COL28A1: variants seen among roughly 807,000 people sequenced by gnomAD.
The protein encoded by COL28A1 is collagen alpha-1(XXVIII) chain.
COL28A1 carries 161 observed loss-of-function variants against 150.2 expected under a neutral mutation model. The ratio of observed to expected loss-of-function variants is 1.07; its 90% CI spans 0.94 to 1.22. COL28A1 has a LOEUF of 1.22. Ranked by LOEUF, COL28A1 falls within the 50% of genes most tolerant of loss-of-function variation. The pLI, the probability that COL28A1 is intolerant of heterozygous loss-of-function variation, is 0.00. For synonymous variants in COL28A1, 552 were observed against 469.7 expected, an observed-to-expected ratio of 1.18 and a Z score of -2.26; for missense variants, 1,617 against 1,388.3, an observed-to-expected ratio of 1.16 and a Z score of -2.62.
intron 9 of COL28A1, among the ~76,000 whole-genome samples, chr7:7,510,057 C>T (rs1464091611): frequency 2.0e-5 from 3 of 152,038 alleles, no homozygotes; most frequent in East Asian, 3.9e-4. Flanking sequence ...CATTTTCTCT[C>T]CTTGACTCCC....
At chr7:7,343,467 T>A in the COL28A1 span, among the ~76,000 whole-genome samples, 1 of 152,122 alleles carries the variant, frequency 6.6e-6, no homozygotes, top group Non-Finnish European at 1.5e-5. Context: ...TTTTCTCTCT[T>A]CCACTGCACA....
rs573373232 is a variant in COL28A1, at chr7:7,358,065, C to T, written c.*568G>A. The T allele has an allele frequency of 2.0e-5, 3 of 152,358 alleles. No homozygotes were observed. In the South Asian group the frequency reaches 6.2e-4, roughly 32 times the overall value. 9.4% of individuals were successfully genotyped at this position (152,358 alleles called of 1,614,324 possible). The stretch of plus-strand genomic sequence containing the variant: ...AAGTAATTGTAATTCAGATTGGTTT[C>T]TCCCTATTACCACTTTCAGGGCAAG... On this transcript the variant is annotated 3_prime_UTR_variant, in exon 35 of 35. Transcript: ENST00000399429.
At chr7:7,512,256 T>C (rs1463767650) in intron 8 of COL28A1, among the ~76,000 whole-genome samples, 2 of 152,118 alleles carry the variant, frequency 1.3e-5, no homozygotes, top group Admixed American at 1.3e-4. Flanking sequence ...CAAAACTAGT[T>C]AGATAGGAGC....
At chr7:7,368,912 T>C (rs1016039267) in intron 33 of COL28A1, among the ~76,000 whole-genome samples, 2 of 152,226 alleles carry the variant, frequency 1.3e-5, no homozygotes, top group African/African-American at 4.8e-5. Context: ...CTGGCTAAAA[T>C]TCATAATGCA....
rs1783239068 is a variant in COL28A1, at chr7:7,402,088, A to G, written c.2136+15771T>C. The stretch of plus-strand genomic sequence containing the variant: ...AGCGTGTAGTGACGGGATTCTCCCA[A>G]TGGGTGAGGAGTTGCCCTAAGTCTT... On this transcript the variant is annotated intron_variant, in intron 27 of 34. Transcript: ENST00000399429. Among the ~76,000 whole-genome samples the G allele has an allele frequency of 2.0e-5, 3 of 152,204 alleles. No individual in the cohort carries two copies. The South Asian group carries it at 6.2e-4, about 31-fold the overall frequency.
chr7:7,365,785 C>A (rs1780904558), intron 33 of COL28A1, among the ~76,000 whole-genome samples: 1 of 152,160 alleles, frequency 6.6e-6, no homozygotes, highest in African/African-American at 2.4e-5. Context: ...TCTGGGGATT[C>A]TACTGCCACT....
chr7:7,421,758 C>A (rs1026670316), intron 25 of COL28A1, among the ~76,000 whole-genome samples: 1 of 152,206 alleles, frequency 6.6e-6, no homozygotes, highest in African/African-American at 2.4e-5. Context: ...TGACTTAATT[C>A]TTTTAATATC....
chr7:7,522,782 C>T (rs894446370), intron 4 of COL28A1, among the ~76,000 whole-genome samples: 1 of 110,152 alleles, frequency 9.1e-6, no homozygotes, highest in African/African-American at 3.9e-5. Flanking sequence ...ATAAAATACA[C>T]TAACACTAAC....
chr7:7,513,530 G>C (rs553405283), intron 8 of COL28A1, among the ~76,000 whole-genome samples: 1 of 152,326 alleles, frequency 6.6e-6, no homozygotes, highest in Admixed American at 6.5e-5. Flanking sequence ...CCTTTCGTGA[G>C]TCAAACTGAC....
At chr7:7,500,663 A>G (rs1033112496) in intron 11 of COL28A1, among the ~76,000 whole-genome samples, 4 of 152,240 alleles carry the variant, frequency 2.6e-5, no homozygotes, top group Non-Finnish European at 5.9e-5. Context: ...ACCCTTTTTC[A>G]TAGAACACTT....
At chr7:7,349,845 G>T in the COL28A1 span, among the ~76,000 whole-genome samples, 9 of 152,272 alleles carry the variant, frequency 5.9e-5, no homozygotes, top group East Asian at 1.5e-3. Context: ...GAAAGAAAAT[G>T]CGAGGTAGGG....
intron 33 of COL28A1, 84 bp from the exon 34 acceptor site, chr7:7,360,612 T>C: frequency 8.5e-7 from 1 of 1,176,260 alleles, no homozygotes; most frequent in Non-Finnish European, 1.2e-6. Flanking sequence ...ATATAAAGAC[T>C]AGTTCAGCCA....
intron 1 of COL28A1, among the ~76,000 whole-genome samples, chr7:7,535,416 A>G (rs1044477942): frequency 1.3e-5 from 2 of 152,198 alleles, no homozygotes; most frequent in African/African-American, 4.8e-5. Context: ...TTGACAAATT[A>G]GCCAAGTTGT....
chr7:7,374,038 A>AAAAAAAAAAAAAAAATATATAT, intron 31 of COL28A1, among the ~76,000 whole-genome samples: 4 of 113,628 alleles, frequency 3.5e-5, no homozygotes, highest in African/African-American at 1.5e-4. Context: ...AAAAAAAAAA[A>AAAAAAAAAAAAAAAATATATAT]ATATATATAT....
intron 3 of COL28A1, among the ~76,000 whole-genome samples, chr7:7,531,080 G>A (rs1163148456): frequency 6.6e-6 from 1 of 152,028 alleles, no homozygotes; most frequent in African/African-American, 2.4e-5. Flanking sequence ...GTATATGATT[G>A]GAAAATAACC....
chr7:7,477,757 G>T (rs892460887), intron 13 of COL28A1, among the ~76,000 whole-genome samples: 2 of 152,276 alleles, frequency 1.3e-5, no homozygotes, highest in South Asian at 4.1e-4. Context: ...AAAGAACAAA[G>T]CTTCCACGGT....
intron 23 of COL28A1, among the ~76,000 whole-genome samples, chr7:7,433,966 T>C (rs1785167984): frequency 6.6e-6 from 1 of 152,178 alleles, no homozygotes; most frequent in Non-Finnish European, 1.5e-5. Flanking sequence ...TTATTCCAAG[T>C]GAAAATACTG....
intron 11 of COL28A1, among the ~76,000 whole-genome samples, 170 bp from the exon 12 acceptor site, chr7:7,490,816 C>T (rs1330474603): frequency 6.6e-6 from 1 of 152,082 alleles, no homozygotes; most frequent in African/African-American, 2.4e-5. Flanking sequence ...AAACACAGAC[C>T]CAAGATCAAA....
intron 4 of COL28A1, 99 bp downstream of exon 4, chr7:7,524,130 T>C: frequency 1.3e-6 from 1 of 780,736 alleles, no homozygotes; most frequent in Admixed American, 2.0e-5. Context: ...TAAGCATTTT[T>C]ATTTAGTCAC....
Sources: allele counts gnomAD v4.1 joint callset (sites outside exome capture counted in the v4.1 genomes callset), GRCh38; gene constraint gnomAD v4.1.1; transcripts MANE v1.5; gene names NCBI Gene and HGNC (gene_info 2026-07-23, HGNC 2026-07-21).